The following ST6GALNAC3 variants were observed in gnomAD, a reference collection of about 807,000 sequenced individuals.
ST6GALNAC3 encodes ST6 N-acetylgalactosaminide alpha-2,6-sialyltransferase 3, also known as alpha-N-acetylgalactosaminide alpha-2,6-sialyltransferase 3.
A neutral mutation model predicts 32.7 loss-of-function variants in ST6GALNAC3; 25 were observed. The observed-to-expected ratio is 0.76, with a 90% CI of 0.56 to 1.07. The LOEUF (loss-of-function observed/expected upper bound fraction) is 1.07, where lower values mean the gene tolerates loss of function less well. ST6GALNAC3 is among the 50% of genes least tolerant of loss of function. The pLI is 0.00. For missense variants in ST6GALNAC3, 355 were observed against 382.4 expected, an observed-to-expected ratio of 0.93 and a Z score of 0.60; for synonymous variants, 129 against 133.1, an observed-to-expected ratio of 0.97 and a Z score of 0.21.
At chr1:76,208,276 A>T (rs1272174048) in intron 1 of ST6GALNAC3, among the ~76,000 whole-genome samples, 1 of 152,274 alleles carries the variant, frequency 6.6e-6, no homozygotes, top group Non-Finnish European at 1.5e-5. Flanking sequence ...GGCTGTCCTG[A>T]TGATCATTAA....
intron 2 of ST6GALNAC3, among the ~76,000 whole-genome samples, chr1:76,402,697 A>G (rs1483369882): frequency 6.6e-6 from 1 of 152,180 alleles, no homozygotes; most frequent in Non-Finnish European, 1.5e-5. Flanking sequence ...CCTATTTTAA[A>G]GTCTGTTAAC....
chr1:76,322,889 G>A (rs944446045), intron 2 of ST6GALNAC3, among the ~76,000 whole-genome samples: 1 of 151,986 alleles, frequency 6.6e-6, no homozygotes, highest in East Asian at 1.9e-4. Flanking sequence ...CACTTAGGCT[G>A]GAGTTCAGTG....
At chr1:76,558,917 C>T (rs1297129950) in intron 3 of ST6GALNAC3, among the ~76,000 whole-genome samples, 1 of 151,890 alleles carries the variant, frequency 6.6e-6, no homozygotes, top group Non-Finnish European at 1.5e-5. Flanking sequence ...CCTATAAATA[C>T]ACAACTATTT....
intron 1 of ST6GALNAC3, among the ~76,000 whole-genome samples, chr1:76,244,089 T>G (rs1310951628): frequency 6.6e-6 from 1 of 152,226 alleles, no homozygotes; most frequent in Admixed American, 6.5e-5. Context: ...ACATGGATTT[T>G]TTTTTCATTT....
intron 1 of ST6GALNAC3, among the ~76,000 whole-genome samples, chr1:76,102,709 C>T (rs201328405): frequency 6.6e-6 from 1 of 152,002 alleles, no homozygotes. Context: ...ACTTCTATAC[C>T]TTTCAGATGC....
chr1:76,118,414 A>T (rs1369788646), intron 1 of ST6GALNAC3, among the ~76,000 whole-genome samples: 1 of 152,242 alleles, frequency 6.6e-6, no homozygotes, highest in Non-Finnish European at 1.5e-5. Flanking sequence ...GTCTTCCCTG[A>T]TTTACCTGCC....
At chr1:76,519,830 A>G (rs1662401338) in intron 3 of ST6GALNAC3, among the ~76,000 whole-genome samples, 1 of 151,962 alleles carries the variant, frequency 6.6e-6, no homozygotes, top group African/African-American at 2.4e-5. Context: ...AATTTTTTAT[A>G]GCAGCCAGTT....
chr1:76,313,982 A>G lies in ST6GALNAC3; in HGVS notation c.196A>G (p.Asn66Asp). 1 of 1,612,484 alleles carries G rather than the reference A, an allele frequency of 6.2e-7. No homozygotes were observed. Reference protein sequence around the residue: ...RPLRTHYGYINVKTQEPLQLD... With the variant: ...RPLRTHYGYIDVKTQEPLQLD... ...CCTTCGAACTCACTATGGATACATAAATGTGAAGACACAAGAGGTAAGATC... is the reference window on the plus strand; with the variant it reads ...CCTTCGAACTCACTATGGATACATAGATGTGAAGACACAAGAGGTAAGATC... Residue 66 changes from asparagine to aspartate, a missense_variant, in exon 2 of 5, where the codon AAT (asparagine) becomes GAT (aspartate). Asn to Asp is a conservative substitution (Grantham distance 23). Transcript: ENST00000328299.
intron 3 of ST6GALNAC3, among the ~76,000 whole-genome samples, chr1:76,477,964 GA>G (rs556949630): frequency 2.6e-5 from 4 of 152,008 alleles, no homozygotes; most frequent in South Asian, 4.2e-4. Context: ...CCTGTGATCA[GA>G]AAAAAAATGT....
At chr1:76,568,306 C>G (rs2100473732) in intron 3 of ST6GALNAC3, among the ~76,000 whole-genome samples, 2 of 152,300 alleles carry the variant, frequency 1.3e-5, no homozygotes, top group South Asian at 4.1e-4. Flanking sequence ...GGTGCTCTTT[C>G]CTGGACACCT....
chr1:76,574,278 C>A lies in ST6GALNAC3; in HGVS notation c.624-53174C>A, dbSNP rs1235201485. 2.7e-5 allele frequency among the ~76,000 whole-genome samples: 4 copies of A among 146,310 alleles called. No individual in the cohort carries two copies. In the South Asian group the frequency reaches 6.4e-4, roughly 23 times the overall value. ...CAATAATGGATTATATAAAATGAGA[C>A]AGTCTTATAAGCCTTGTTTCTAGAT... On this transcript the variant is annotated intron_variant, in intron 3 of 4. Transcript: ENST00000328299.
At position 76,244,508 on chromosome 1, in the gene ST6GALNAC3, G is replaced by A. The variant is rs56397414; in HGVS notation, c.19-69297G>A. 7.1e-3 allele frequency among the ~76,000 whole-genome samples: 1,088 copies of A among 152,264 alleles called. 14 individuals carry two copies. Among genetic ancestry groups the A allele is most frequent in the African/African-American group, 0.025 (1,027 of 41,540 alleles). ...TATTGAATAGGAATGATGAGAGAGGGCATTCTTGTCTTGTGCCCGTTTTGA... is the reference window on the plus strand; with the variant it reads ...TATTGAATAGGAATGATGAGAGAGGACATTCTTGTCTTGTGCCCGTTTTGA... On this transcript the variant is annotated intron_variant, in intron 1 of 4. Transcript: ENST00000328299.
intron 3 of ST6GALNAC3, among the ~76,000 whole-genome samples, chr1:76,604,696 C>G (rs1339562155): frequency 6.6e-6 from 1 of 152,224 alleles, no homozygotes; most frequent in Non-Finnish European, 1.5e-5. Flanking sequence ...TATGATCCCA[C>G]AGACATTTCA....
At chr1:76,401,447 G>A (rs762884972) in intron 2 of ST6GALNAC3, among the ~76,000 whole-genome samples, 6 of 152,112 alleles carry the variant, frequency 3.9e-5, no homozygotes, top group African/African-American at 7.2e-5. Flanking sequence ...ATTGAACATC[G>A]TAAACATTGT....
At chr1:76,514,393 T>C (rs1662050380) in intron 3 of ST6GALNAC3, among the ~76,000 whole-genome samples, 1 of 152,178 alleles carries the variant, frequency 6.6e-6, no homozygotes, top group Non-Finnish European at 1.5e-5. Context: ...TGTTTGTCCC[T>C]ACCAAAGGTC....
chr1:76,224,255 C>T (rs1276220700), intron 1 of ST6GALNAC3, among the ~76,000 whole-genome samples: 1 of 152,128 alleles, frequency 6.6e-6, no homozygotes, highest in African/African-American at 2.4e-5. Context: ...AAATGCTGCT[C>T]TTTTATCTTT....
intron 3 of ST6GALNAC3, among the ~76,000 whole-genome samples, chr1:76,573,291 C>A (rs78259018): frequency 0.012 from 1,833 of 152,146 alleles, 38 homozygotes; most frequent in African/African-American, 0.042. Flanking sequence ...ATGTCATAAG[C>A]GATATAAACC....
At chr1:76,180,347 T>C (rs1653101130) in intron 1 of ST6GALNAC3, among the ~76,000 whole-genome samples, 2 of 152,196 alleles carry the variant, frequency 1.3e-5, no homozygotes, top group African/African-American at 4.8e-5. Flanking sequence ...TAACGTTTAA[T>C]CTTCCCAACT....
chr1:76,497,770 C>G (rs1326320651), intron 3 of ST6GALNAC3, among the ~76,000 whole-genome samples: 3 of 152,160 alleles, frequency 2.0e-5, no homozygotes, highest in Admixed American at 2.0e-4. Flanking sequence ...TCATCTGCAT[C>G]AAAGCCCATA....
Sources: gnomAD v4.1 joint callset for allele counts (sites outside exome capture counted in the v4.1 genomes callset) on GRCh38, gnomAD v4.1.1 for gene constraint, MANE v1.5 for transcripts, NCBI Gene and HGNC (gene_info 2026-07-23, HGNC 2026-07-21) for gene names.